WDFY4: variants seen among roughly 807,000 people sequenced by gnomAD.
WDFY4 encodes WD repeat- and FYVE domain-containing protein 4.
In WDFY4, 169 loss-of-function variants were observed where a neutral mutation model predicts 351.9. The ratio of observed to expected loss-of-function variants is 0.48; its 90% CI spans 0.42 to 0.55. The LOEUF is 0.55. Among genes scored for constraint, WDFY4 ranks in the 20% least tolerant of loss-of-function variants. WDFY4 has a pLI of 0.00. For synonymous variants in WDFY4, 1,622 were observed against 1,574.6 expected, an observed-to-expected ratio of 1.03 and a Z score of -0.71; for missense variants, 3,803 against 3,935.6, an observed-to-expected ratio of 0.97 and a Z score of 0.90.
At chr10:48,954,498 T>C (rs375995243) in intron 51 of WDFY4, among the ~76,000 whole-genome samples, 46 of 152,350 alleles carry the variant, frequency 3.0e-4, no homozygotes, top group African/African-American at 1.1e-3. Context: ...TTTATTTCAT[T>C]TGGGTCTGGA....
chr10:48,774,405 T>A, intron 13 of WDFY4, 53 bp from the exon 14 acceptor site: 2 of 1,539,096 alleles, frequency 1.3e-6, no homozygotes, highest in Non-Finnish European at 1.8e-6. Context: ...ATAAAAGCTG[T>A]CCACAAGGTG....
At chr10:48,792,580 T>C (rs1394616244) in intron 23 of WDFY4, among the ~76,000 whole-genome samples, 1 of 152,258 alleles carries the variant, frequency 6.6e-6, no homozygotes, top group East Asian at 1.9e-4. Flanking sequence ...TCTATTCTAA[T>C]ACAGCACAAG....
chr10:48,862,752 A>G (rs2133230598), intron 39 of WDFY4, among the ~76,000 whole-genome samples: 1 of 152,294 alleles, frequency 6.6e-6, no homozygotes, highest in Middle Eastern at 3.4e-3. Context: ...CCTGCTGCCA[A>G]AAAAGTTGAG....
intron 4 of WDFY4, among the ~76,000 whole-genome samples, chr10:48,722,459 A>G (rs2064123170): frequency 6.6e-6 from 1 of 152,216 alleles, no homozygotes. Flanking sequence ...CATAGAAGAC[A>G]GTACATTGCA....
intron 13 of WDFY4, among the ~76,000 whole-genome samples, chr10:48,770,314 T>C (rs1383414551): frequency 6.6e-6 from 1 of 152,196 alleles, no homozygotes; most frequent in Non-Finnish European, 1.5e-5. Flanking sequence ...TCCTGCTATG[T>C]TGGGGGGAAA....
intron 12 of WDFY4, among the ~76,000 whole-genome samples, chr10:48,748,587 T>A (rs1041536086): frequency 6.6e-6 from 1 of 152,230 alleles, no homozygotes; most frequent in Non-Finnish European, 1.5e-5. Context: ...ACTGCGTCAG[T>A]CCTGATGTTT....
intron 52 of WDFY4, among the ~76,000 whole-genome samples, chr10:48,958,523 G>A (rs560865503): frequency 3.7e-4 from 57 of 152,316 alleles, no homozygotes; most frequent in African/African-American, 1.3e-3. Flanking sequence ...GCTCCTACCA[G>A]CAATGGAGGC....
rs906578702 is a variant in WDFY4, at chr10:48,815,459, AT to A, written c.5340+1387del. 8.4e-4 allele frequency among the ~76,000 whole-genome samples: 125 copies of A among 149,516 alleles called. 1 individual carries two copies. Among genetic ancestry groups the A allele is most frequent in the South Asian group, 5.7e-3 (27 of 4,696 alleles). On this transcript the variant is annotated intron_variant, in intron 31 of 61. Coordinates refer to ENST00000325239, the MANE Select transcript of WDFY4 (RefSeq NM_001394531.1). The stretch of plus-strand genomic sequence containing the variant: ...CCACTTTTTGCCCTTTTTGAAACAG[AT>A]TTTTTTTTTCTTTTTTGAGACAGGG...
In WDFY4 at chr10:48,760,339, C is replaced by T; in HGVS notation, c.2460-8C>T. 1 of 1,550,998 alleles carries T rather than the reference C, an allele frequency of 6.4e-7. No individual in the cohort carries two copies. Among genetic ancestry groups the T allele is most frequent in the Non-Finnish European group, 8.7e-7 (1 of 1,146,482 alleles). On this transcript the variant is annotated splice_region_variant and splice_polypyrimidine_tract_variant and intron_variant, in intron 12 of 61. Coordinates refer to ENST00000325239, the MANE Select transcript of WDFY4 (RefSeq NM_001394531.1). ...GTGTCTCATGTCTGGCTCTCCCTCTCTCTGCAGGATGGATGAGGGAGATGC... is the reference window on the plus strand; with the variant it reads ...GTGTCTCATGTCTGGCTCTCCCTCTTTCTGCAGGATGGATGAGGGAGATGC...
chr10:48,850,900 T>A (rs2068936110), intron 39 of WDFY4, among the ~76,000 whole-genome samples: 3 of 152,218 alleles, frequency 2.0e-5, no homozygotes, highest in African/African-American at 7.2e-5. Flanking sequence ...GGCCTGGAAA[T>A]ATTTGACAAA....
At chr10:48,686,534 TC>T (rs1427344010) in intron 1 of WDFY4, among the ~76,000 whole-genome samples, 2 of 152,220 alleles carry the variant, frequency 1.3e-5, no homozygotes, top group Non-Finnish European at 2.9e-5. Context: ...TGCTTCTTTT[TC>T]TAATTTTACA....
At chr10:48,952,326 G>A (rs1182983654) in intron 51 of WDFY4, among the ~76,000 whole-genome samples, 1 of 152,224 alleles carries the variant, frequency 6.6e-6, no homozygotes, top group Non-Finnish European at 1.5e-5. Context: ...AGCCAGGGCT[G>A]TGGGGCTAGA....
Position 48,736,086 on chromosome 10 carries a change from C to T in WDFY4, c.1878+16C>T. 1 of 1,551,704 alleles carries T rather than the reference C, an allele frequency of 6.4e-7. No individual in the cohort carries two copies. The highest frequency in any genetic ancestry group is 8.7e-7 in the Non-Finnish European group (1 of 1,147,016). ...TCTCCTGAAGGTGATTTCAAGTCCT[C>T]CTTTGAGATTGGCTTCCCTGTGGAT... is the stretch of plus-strand genomic sequence containing the variant. On this transcript the variant is annotated intron_variant, in intron 11 of 61. Transcript: ENST00000325239.
At chr10:48,905,703 G>T (rs1048267928) in intron 47 of WDFY4, among the ~76,000 whole-genome samples, 1 of 152,186 alleles carries the variant, frequency 6.6e-6, no homozygotes, top group Admixed American at 6.5e-5. Flanking sequence ...CGGACACCCC[G>T]CAGAGTGCTG....
At chr10:48,932,905 G>A (rs893275584) in intron 47 of WDFY4, among the ~76,000 whole-genome samples, 1 of 152,168 alleles carries the variant, frequency 6.6e-6, no homozygotes. Flanking sequence ...GGAAGAGGGT[G>A]TAAGCTGGAG....
chr10:48,849,257 T>C (rs1397050499), intron 39 of WDFY4, among the ~76,000 whole-genome samples: 1 of 152,220 alleles, frequency 6.6e-6, no homozygotes, highest in Non-Finnish European at 1.5e-5. Flanking sequence ...AGTCTATTTA[T>C]AAAATGGAAA....
At chr10:48,932,453 G>C (rs1244203219) in intron 47 of WDFY4, 1 of 152,110 alleles carries the variant, frequency 6.6e-6, no homozygotes, top group Non-Finnish European at 1.5e-5. Context: ...TGTAATAATA[G>C]CTACTTACAG....
chr10:48,839,472 G>A (rs1449271511), intron 39 of WDFY4, among the ~76,000 whole-genome samples: 1 of 152,148 alleles, frequency 6.6e-6, no homozygotes, highest in African/African-American at 2.4e-5. Flanking sequence ...GAGGTAGGTG[G>A]CCTAAACCTG....
chr10:48,803,992 C>G (rs1039323683), intron 25 of WDFY4, among the ~76,000 whole-genome samples: 2 of 152,214 alleles, frequency 1.3e-5, no homozygotes, highest in Non-Finnish European at 2.9e-5. Context: ...AGCTTAGCAC[C>G]ATAGGCAGAG....
Sources: gnomAD v4.1 joint callset for allele counts (sites outside exome capture counted in the v4.1 genomes callset) on GRCh38, gnomAD v4.1.1 for gene constraint, MANE v1.5 for transcripts, NCBI Gene and HGNC (gene_info 2026-07-23, HGNC 2026-07-21) for gene names.